PTPN3: variants seen among roughly 807,000 people sequenced by gnomAD.
The protein encoded by PTPN3 is tyrosine-protein phosphatase non-receptor type 3.
In PTPN3, 96 loss-of-function variants were observed where a neutral mutation model predicts 132.7. The observed-to-expected ratio is 0.72, with a 90% CI of 0.61 to 0.86. PTPN3 has a LOEUF of 0.86. PTPN3 is among the 40% of genes least tolerant of loss of function. The pLI, the probability that PTPN3 is intolerant of heterozygous loss-of-function variation, is 0.00. For synonymous variants in PTPN3, 398 were observed against 429.0 expected (o/e 0.93, Z 0.89); for missense variants, 1,125 against 1,159.6 (o/e 0.97, Z 0.43).
chr9:109,520,580 C>G, the PTPN3 span, among the ~76,000 whole-genome samples: 1 of 152,196 alleles, frequency 6.6e-6, no homozygotes, highest in East Asian at 1.9e-4. Context: ...CAACTGTTCC[C>G]TCATCTTTCT....
chr9:109,496,565 A>G (rs1847678005), intron 1 of PTPN3, among the ~76,000 whole-genome samples: 1 of 152,264 alleles, frequency 6.6e-6, no homozygotes, highest in African/African-American at 2.4e-5. Flanking sequence ...AGTTGTAAAG[A>G]TTAAATAAGA....
chr9:109,530,180 A>G, the PTPN3 span, among the ~76,000 whole-genome samples: 2 of 152,140 alleles, frequency 1.3e-5, no homozygotes, highest in Admixed American at 1.3e-4. Flanking sequence ...ACCACTACCC[A>G]TCTCCAGAAC....
At chr9:109,422,319 C>T (rs1478360400) in intron 13 of PTPN3, among the ~76,000 whole-genome samples, 5 of 152,168 alleles carry the variant, frequency 3.3e-5, no homozygotes, top group African/African-American at 9.7e-5. Flanking sequence ...ATTTACATCA[C>T]GTACCTGCGT....
chr9:109,451,181 G>A lies in PTPN3; in HGVS notation c.369-2326C>T, dbSNP rs537012777. 3 of 963,934 alleles carry A rather than the reference G, an allele frequency of 3.1e-6. No individual in the cohort carries two copies. In the South Asian group the frequency reaches 1.4e-4, roughly 46 times the overall value. The allele number at this position is 963,934 out of a possible 1,614,324, so 59.7% of individuals were successfully genotyped here. A position where few individuals can be genotyped will look rare whatever the true frequency, so the allele number is the denominator to read the frequency against. ...CTGAGGGAGGATCCTTTGAGTCCAGGAGTTTGAGGCCAGTCTGGGCAACAT... is the reference window on the plus strand; with the variant it reads ...CTGAGGGAGGATCCTTTGAGTCCAGAAGTTTGAGGCCAGTCTGGGCAACAT... On this transcript the variant is annotated intron_variant, in intron 5 of 25. Transcript: ENST00000374541.
chr9:109,382,150 C>T (rs1839154905), intron 24 of PTPN3, 152 bp downstream of exon 24: 2 of 1,040,694 alleles, frequency 1.9e-6, no homozygotes, highest in Non-Finnish European at 2.7e-6. Flanking sequence ...TTCCAAAAAA[C>T]TTTTGAAATG....
the PTPN3 span, among the ~76,000 whole-genome samples, chr9:109,522,642 A>C: frequency 1.3e-5 from 2 of 152,258 alleles, no homozygotes; most frequent in Non-Finnish European, 2.9e-5. Context: ...TTTGGAAAAC[A>C]CTACAACATG....
intron 14 of PTPN3, among the ~76,000 whole-genome samples, chr9:109,414,796 C>T (rs1180601914): frequency 6.6e-6 from 1 of 152,228 alleles, no homozygotes; most frequent in African/African-American, 2.4e-5. Context: ...GAGAATTTCT[C>T]ATTGACAGAT....
upstream of PTPN3, among the ~76,000 whole-genome samples, chr9:109,500,482 C>T (rs1025989005): frequency 5.9e-5 from 9 of 152,030 alleles, no homozygotes; most frequent in Non-Finnish European, 1.0e-4. Context: ...AAAGAATACT[C>T]CCCAAATTGG....
chr9:109,493,409 T>C (rs1239063747), intron 1 of PTPN3, among the ~76,000 whole-genome samples: 1 of 78,554 alleles, frequency 1.3e-5, no homozygotes, highest in Non-Finnish European at 3.2e-5. Flanking sequence ...TAAAATGCAC[T>C]GTTTGTTCCC....
chr9:109,477,532 C>G (rs1000655443), intron 1 of PTPN3, among the ~76,000 whole-genome samples: 7 of 152,220 alleles, frequency 4.6e-5, no homozygotes, highest in African/African-American at 1.4e-4. Flanking sequence ...GGCCAACGCA[C>G]CTTTCAGAAT....
At chr9:109,440,132 T>C (rs573262823) in intron 7 of PTPN3, among the ~76,000 whole-genome samples, 1 of 152,188 alleles carries the variant, frequency 6.6e-6, no homozygotes, top group African/African-American at 2.4e-5. Flanking sequence ...GAAATTTGGG[T>C]GCTCAGAACT....
At chr9:109,399,781 G>A (rs1354619686) in intron 19 of PTPN3, among the ~76,000 whole-genome samples, 2 of 151,962 alleles carry the variant, frequency 1.3e-5, no homozygotes, top group African/African-American at 4.8e-5. Context: ...CACCTGCAGT[G>A]GGCCCTGCTG....
intron 1 of PTPN3, among the ~76,000 whole-genome samples, chr9:109,490,289 C>T (rs1393088766): frequency 6.6e-6 from 1 of 152,234 alleles, no homozygotes; most frequent in African/African-American, 2.4e-5. Flanking sequence ...CCCCTTGCAC[C>T]TCCTTCCATC....
At chr9:109,502,784 ACT>A (rs1847877162), upstream of PTPN3, among the ~76,000 whole-genome samples, 1 of 152,158 alleles carries the variant, frequency 6.6e-6, no homozygotes, top group Non-Finnish European at 1.5e-5. Flanking sequence ...CAACAGCAAG[ACT>A]CTGTCTCAAA....
rs367948677 is a variant in PTPN3, at chr9:109,420,462, G to A, written c.1275C>T (p.Ser425=). ...TYKGSLAPQD[S]DSEVSQNRSP... The stretch of plus-strand genomic sequence containing the variant: ...TTCGGTTCTGAGAAACTTCAGAATC[G>A]CTGTCTTGAGGGGCCAGAGAGCCCT... Residue 425 remains serine, a synonymous_variant, in exon 14 of 26, where the codon AGC becomes AGT. Transcript: ENST00000374541. 43 of 1,608,978 alleles carry A rather than the reference G, an allele frequency of 2.7e-5. No homozygotes were observed. The highest frequency in any genetic ancestry group is 1.2e-4 in the African/African-American group (9 of 74,940).
In PTPN3 at chr9:109,379,394, G is replaced by A. The variant is rs1242394924; in HGVS notation, c.*162C>T. ...CATGCTTATCTACACCAGTTCCTATGTACACGATATCTTTTCTATAGAAGT... is the reference window on the plus strand; with the variant it reads ...CATGCTTATCTACACCAGTTCCTATATACACGATATCTTTTCTATAGAAGT... On this transcript the variant is annotated 3_prime_UTR_variant, in exon 26 of 26. Transcript: ENST00000374541. The A allele has an allele frequency of 1.6e-6, 1 of 623,136 alleles. No individual in the cohort carries two copies. The highest frequency in any genetic ancestry group is 1.8e-5 in the African/African-American group (1 of 54,268). The allele number at this position is 623,136 out of a possible 1,614,324, so 38.6% of individuals were successfully genotyped here. A position where few individuals can be genotyped will look rare whatever the true frequency, so the allele number is the denominator to read the frequency against.
At chr9:109,437,438 C>G (rs1369434138) in intron 8 of PTPN3, among the ~76,000 whole-genome samples, 1 of 152,224 alleles carries the variant, frequency 6.6e-6, no homozygotes, top group African/African-American at 2.4e-5. Flanking sequence ...AGAAAGGACA[C>G]TTGGTTGCCT....
intron 1 of PTPN3, among the ~76,000 whole-genome samples, chr9:109,496,176 T>C (rs929530349): frequency 6.6e-6 from 1 of 152,258 alleles, no homozygotes; most frequent in Non-Finnish European, 1.5e-5. Flanking sequence ...CGTTCTATTC[T>C]ACTCTAATTC....
chr9:109,492,003 A>T (rs1324953293), intron 1 of PTPN3, among the ~76,000 whole-genome samples: 2 of 152,182 alleles, frequency 1.3e-5, no homozygotes, highest in Non-Finnish European at 2.9e-5. Flanking sequence ...CTGACAGTGG[A>T]CCAGCTGCTT....
Sources: allele counts gnomAD v4.1 joint callset (sites outside exome capture counted in the v4.1 genomes callset), GRCh38; gene constraint gnomAD v4.1.1; transcripts MANE v1.5; gene names NCBI Gene and HGNC (gene_info 2026-07-23, HGNC 2026-07-21).